The following MEF2B variants were observed in gnomAD, a reference collection of about 807,000 sequenced individuals.
The protein encoded by MEF2B is myocyte enhancer factor 2B, also known as myocyte-specific enhancer factor 2B.
MEF2B carries 15 observed loss-of-function variants against 32.2 expected under a neutral mutation model. The ratio of observed to expected loss-of-function variants is 0.47; its 90% CI spans 0.31 to 0.72. The LOEUF is 0.72. Ranked by LOEUF, MEF2B falls within the 30% of genes least tolerant of loss-of-function variation. The probability of loss-of-function intolerance (pLI) is 0.05; values close to 1 mark genes in which losing one functional copy is unlikely to be tolerated. For missense variants in MEF2B, 441 were observed against 511.5 expected (o/e 0.86, Z 1.33); for synonymous variants, 205 against 225.6 (o/e 0.91, Z 0.82).
At position 19,145,693 on chromosome 19, in the gene MEF2B, G is replaced by T. The variant is rs772822329; in HGVS notation, c.*104C>A. The T allele has an allele frequency of 3.9e-5, 61 of 1,551,468 alleles. No homozygotes were observed. Among genetic ancestry groups the T allele is most frequent in the Admixed American group, 3.7e-4 (19 of 50,730 alleles). ...CCAAGCCCCCACCGCGGAGGGGGGC[G>T]TCACTGTTGGGTCTTCTCTGAAGAG... On this transcript the variant is annotated 3_prime_UTR_variant, in exon 9 of 9. Coordinates refer to ENST00000424583, the MANE Select transcript of MEF2B (RefSeq NM_001145785.2). The surrounding 1 kb of genome is among the most constrained non-coding windows in gnomAD (Gnocchi z 4.6).
chr19:19,155,509 T>TCAACAGAGATGTCA (rs1749465279), intron 1 of MEF2B, among the ~76,000 whole-genome samples: 1 of 152,076 alleles, frequency 6.6e-6, no homozygotes. Context: ...GCAGAGTAGA[T>TCAACAGAGATGTCA]CAACAGAGAT....
chr19:19,150,122 G>A (rs1599721781), intron 2 of MEF2B, among the ~76,000 whole-genome samples: 1 of 141,112 alleles, frequency 7.1e-6, no homozygotes, highest in Admixed American at 7.1e-5. Context: ...GATGGAAGGA[G>A]GGATGGAAGG....
intron 1 of MEF2B, among the ~76,000 whole-genome samples, chr19:19,167,820 C>G (rs1197199816): frequency 2.6e-5 from 4 of 152,158 alleles, no homozygotes; most frequent in African/African-American, 7.2e-5. Flanking sequence ...GGAGAGGAAG[C>G]TGGGCCTCGT....
In MEF2B at chr19:19,146,615, A is replaced by G. The variant is rs745619777; in HGVS notation, c.709T>C (p.Ser237Pro). 8 of 1,610,804 alleles carry G rather than the reference A, an allele frequency of 5.0e-6. No homozygotes were observed. Among genetic ancestry groups the G allele is most frequent in the Middle Eastern group, 1.7e-4 (1 of 6,056 alleles). ...SLYSGLQNPC[S>P]TATPGPPLGS... ...AGTGGGGGTCCGGGAGTTGCAGTGG[A>G]GCAGGGGTTCTGCAGGCCACTGTAG... Residue 237 changes from serine to proline, a missense_variant, in exon 7 of 9, where the codon TCC becomes CCC. Ser to Pro is a moderately conservative substitution (Grantham distance 74). Transcript: ENST00000424583.
intron 1 of MEF2B, among the ~76,000 whole-genome samples, chr19:19,166,294 G>A (rs1028985965): frequency 5.3e-5 from 8 of 152,092 alleles, no homozygotes; most frequent in African/African-American, 7.2e-5. Flanking sequence ...ATCCTGGGCC[G>A]CAGGGTATCA....
chr19:19,147,967 C>T, intron 3 of MEF2B, 135 bp from the exon 4 acceptor site: 2 of 1,409,402 alleles, frequency 1.4e-6, no homozygotes, highest in Non-Finnish European at 1.9e-6. Flanking sequence ...CCTGCTCTAG[C>T]CAAACCCCAC....
chr19:19,147,270 G>A, intron 4 of MEF2B, 87 bp from the exon 5 acceptor site: 1 of 995,294 alleles, frequency 1.0e-6, no homozygotes, highest in Non-Finnish European at 1.3e-6. Flanking sequence ...GAGTTCAGGG[G>A]CCCAGCTCTA....
At chr19:19,163,967 C>T (rs1168147841) in intron 1 of MEF2B, among the ~76,000 whole-genome samples, 7 of 152,064 alleles carry the variant, frequency 4.6e-5, no homozygotes, top group Admixed American at 3.3e-4. Flanking sequence ...CCACACCCAG[C>T]CCTACTTGTT....
At position 19,169,498 on chromosome 19, in the gene MEF2B, C is replaced by T. The variant is rs117453832; in HGVS notation, c.-30+707G>A. ...GATTACAGGCATGAGCCACAGTGCCCGGCCAGCTATTTCTGACTAATTGGG... is the reference window on the plus strand; with the variant it reads ...GATTACAGGCATGAGCCACAGTGCCTGGCCAGCTATTTCTGACTAATTGGG... On this transcript the variant is annotated intron_variant, in intron 1 of 8. Transcript: ENST00000424583. Among the ~76,000 whole-genome samples, 210 of 152,246 alleles carry T rather than the reference C, an allele frequency of 1.4e-3. 2 individuals are homozygous for T. The highest frequency in any genetic ancestry group is 4.4e-3 in the South Asian group (21 of 4,818).
chr19:19,149,289 C>T lies in MEF2B; in HGVS notation c.195G>A (p.Val65=), dbSNP rs1215410950. ...CGCTGTACTCTGTGTACTTCAGCAGCACACGGTCCATGTCCGTGCTGGCAT... is the reference window on the plus strand; with the variant it reads ...CGCTGTACTCTGTGTACTTCAGCAGTACACGGTCCATGTCCGTGCTGGCAT... ...FQYASTDMDR[V]LLKYTEYSEP... is the part of the protein sequence containing the mutation. The change falls in exon 3 of 9, where the codon GTG becomes GTA. Residue 65 remains valine (V), a synonymous_variant. Transcript: ENST00000424583. 2 of 1,613,966 alleles carry T rather than the reference C, an allele frequency of 1.2e-6. No individual in the cohort carries two copies. Among genetic ancestry groups the T allele is most frequent in the Non-Finnish European group, 8.5e-7 (1 of 1,180,010 alleles).
chr19:19,146,674 A>G (rs1158041825), intron 6 of MEF2B, 26 bp from the exon 7 acceptor site: 1 of 1,613,420 alleles, frequency 6.2e-7, no homozygotes, highest in East Asian at 2.2e-5. Context: ...GTGAAGGGGA[A>G]ACTGAGGCCC....
chr19:19,147,234 C>T lies in MEF2B; in HGVS notation c.394-51G>A, dbSNP rs1404834636. On this transcript the variant is annotated intron_variant, in intron 4 of 8. Coordinates refer to ENST00000424583, the MANE Select transcript of MEF2B (RefSeq NM_001145785.2). ...GAGGACCCCAGGCCAGATGGGGGTG[C>T]CAAGTCCAAGGGAGAAAATCCTGAT... The T allele has an allele frequency of 1.7e-5, 12 of 694,170 alleles. 4 individuals carry two copies. Among genetic ancestry groups the T allele is most frequent in the Non-Finnish European group, 2.3e-5 (12 of 517,364 alleles). The allele number at this position is 694,170 out of a possible 1,614,324, so 43.0% of individuals were successfully genotyped here.
At chr19:19,168,531 C>T (rs1432868274) in intron 1 of MEF2B, among the ~76,000 whole-genome samples, 1 of 151,832 alleles carries the variant, frequency 6.6e-6, no homozygotes, top group Non-Finnish European at 1.5e-5. Flanking sequence ...CCTCAGCCTC[C>T]CAAAGTGCTT....
intron 1 of MEF2B, among the ~76,000 whole-genome samples, chr19:19,153,159 C>T (rs1253089811): frequency 6.6e-6 from 1 of 152,194 alleles, no homozygotes. Context: ...GGGCTTAGGC[C>T]TGAGTCTCTT....
chr19:19,160,984 C>T (rs1224310495), intron 1 of MEF2B, among the ~76,000 whole-genome samples: 1 of 152,076 alleles, frequency 6.6e-6, no homozygotes, highest in Non-Finnish European at 1.5e-5. Context: ...TCCCTGGAGC[C>T]CCGCACCTGC....
intron 1 of MEF2B, among the ~76,000 whole-genome samples, chr19:19,167,138 A>G: frequency 6.6e-6 from 1 of 151,878 alleles, no homozygotes; most frequent in Non-Finnish European, 1.5e-5. Flanking sequence ...ATCACCTGTG[A>G]TCAGGAGTTT....
At chr19:19,155,126 A>T (rs2060111658) in intron 1 of MEF2B, among the ~76,000 whole-genome samples, 1 of 152,152 alleles carries the variant, frequency 6.6e-6, no homozygotes, top group South Asian at 2.1e-4. Context: ...AGCTCTGAGC[A>T]TGGCCCCCTC....
intron 1 of MEF2B, among the ~76,000 whole-genome samples, chr19:19,159,399 T>C (rs2060143182): frequency 6.6e-6 from 1 of 151,804 alleles, no homozygotes; most frequent in Non-Finnish European, 1.5e-5. Flanking sequence ...CCAGCCTGGG[T>C]GACAGAGTAA....
chr19:19,150,188 G>GAAGA (rs2060063797), intron 2 of MEF2B, among the ~76,000 whole-genome samples: 1 of 136,180 alleles, frequency 7.3e-6, no homozygotes, highest in Admixed American at 7.3e-5. Context: ...GGGAGGGAAG[G>GAAGA]AAGGAAGGAA....
Sources: gnomAD v4.1 joint callset for allele counts (sites outside exome capture counted in the v4.1 genomes callset) on GRCh38, gnomAD v4.1.1 for gene constraint, Gnocchi (gnomAD v3.1) non-coding constraint, MANE v1.5 for transcripts, NCBI Gene and HGNC (gene_info 2026-07-23, HGNC 2026-07-21) for gene names.